Variants in TENM1 observed in about 807,000 individuals in gnomAD.
TENM1 encodes the protein teneurin transmembrane protein 1.
A neutral mutation model predicts 174.8 loss-of-function variants in TENM1; 35 were observed. The ratio of observed to expected loss-of-function variants is 0.20; its 90% confidence interval spans 0.15 to 0.27. The LOEUF (loss-of-function observed/expected upper bound fraction) is 0.27. Among genes scored for constraint, TENM1 ranks in the 10% least tolerant of loss-of-function variants. The pLI, the probability that TENM1 is intolerant of heterozygous loss-of-function variation, is 1.00. For missense variants in TENM1, 1,633 were observed against 2,130.1 expected (o/e 0.77, Z 4.59); for synonymous variants, 781 against 798.7 (o/e 0.98, Z 0.37).
At chrX:125,100,242 T>C in the TENM1 span, among the ~76,000 whole-genome samples, 1 of 111,951 alleles carries the variant, frequency 8.9e-6, no homozygotes, top group Non-Finnish European at 1.9e-5. Flanking sequence ...ATTAAGATTG[T>C]AAAGTGCCAA....
intron 3 of TENM1, among the ~76,000 whole-genome samples, chrX:124,890,589 T>G (rs1029908298): frequency 9.0e-6 from 1 of 111,714 alleles, no homozygotes; most frequent in Non-Finnish European, 1.9e-5. Context: ...CTCAACATCA[T>G]TAACCATCAG....
chrX:124,548,290 T>C (rs751891137), intron 14 of TENM1, among the ~76,000 whole-genome samples: 4 of 111,506 alleles, frequency 3.6e-5, no homozygotes, highest in East Asian at 2.8e-4. Flanking sequence ...AGAAATGATA[T>C]AGGGAACAGG....
At chrX:124,705,730 A>G (rs1292876840) in intron 4 of TENM1, among the ~76,000 whole-genome samples, 1 of 112,312 alleles carries the variant, frequency 8.9e-6, no homozygotes, top group Non-Finnish European at 1.9e-5. Flanking sequence ...TATCAAATAT[A>G]CAGCCAAGTT....
intron 3 of TENM1, among the ~76,000 whole-genome samples, chrX:124,886,728 GTTT>G (rs74314491): frequency 0.014 from 1,068 of 77,841 alleles, 27 homozygotes; most frequent in African/African-American, 0.047. Context: ...TGTAGTGAAG[GTTT>G]TTTTTTTTTT....
Position 124,922,092 on chromosome X carries a change from G to A in TENM1, c.218-25851C>T, listed in dbSNP as rs140836652. ...GTTTTTTCTCAAATATTTTTTCACT[G>A]GTGTATGAGAGTGATATACTTTTTG... On this transcript the variant is annotated intron_variant, in intron 1 of 31. Transcript: ENST00000422452. Among the ~76,000 whole-genome samples, 172 of 110,382 alleles carry A rather than the reference G, an allele frequency of 1.6e-3. 1 individual carries two copies. The highest frequency in any genetic ancestry group is 2.8e-3 in the Admixed American group (29 of 10,362).
chrX:124,686,067 A>G (rs1363295839), intron 5 of TENM1, among the ~76,000 whole-genome samples: 1 of 110,826 alleles, frequency 9.0e-6, no homozygotes, highest in Non-Finnish European at 1.9e-5. Flanking sequence ...TGAAATTCAC[A>G]CAAGTTAACA....
intron 3 of TENM1, among the ~76,000 whole-genome samples, chrX:124,829,660 A>G (rs768292503): frequency 8.9e-6 from 1 of 112,201 alleles, no homozygotes; most frequent in Non-Finnish European, 1.9e-5. Context: ...AGTGGCCTCT[A>G]CTTTAAAAGG....
chrX:125,023,313 C>T, the TENM1 span, among the ~76,000 whole-genome samples: 1 of 111,443 alleles, frequency 9.0e-6, no homozygotes, highest in East Asian at 2.8e-4. Context: ...TGAGACGTGC[C>T]TTTGCTTCTC....
At chrX:125,120,206 TA>T in the TENM1 span, among the ~76,000 whole-genome samples, 8,435 of 105,004 alleles carry the variant, frequency 0.08, 812 homozygotes, top group African/African-American at 0.27. Context: ...CAACATTTCC[TA>T]TTTTTTTTAC....
At chrX:125,200,658 A>T in the TENM1 span, among the ~76,000 whole-genome samples, 43 of 104,014 alleles carry the variant, frequency 4.1e-4, no homozygotes, top group African/African-American at 1.6e-3. Context: ...TGTGTGTGAG[A>T]GAGAGAGAGA....
chrX:124,876,197 G>A (rs1252423333), intron 3 of TENM1, among the ~76,000 whole-genome samples: 1 of 111,182 alleles, frequency 9.0e-6, no homozygotes, highest in Admixed American at 9.6e-5. Flanking sequence ...CTCAATATTT[G>A]TAAAATACTT....
the TENM1 span, among the ~76,000 whole-genome samples, chrX:125,127,046 C>T: frequency 5.4e-5 from 6 of 111,420 alleles, no homozygotes; most frequent in Admixed American, 5.7e-4. Flanking sequence ...CTCATTTGGC[C>T]ACTTATATAT....
chrX:124,774,055 A>C (rs1206577657), intron 3 of TENM1, among the ~76,000 whole-genome samples: 1 of 112,263 alleles, frequency 8.9e-6, no homozygotes, highest in African/African-American at 3.2e-5. Context: ...TCACCAAACT[A>C]TAAGATTAGG....
the TENM1 span, among the ~76,000 whole-genome samples, chrX:125,202,979 C>G: frequency 1.1e-4 from 12 of 112,235 alleles, no homozygotes; most frequent in African/African-American, 3.9e-4. Context: ...GACCAAGTCT[C>G]TGGATGAAAT....
intron 31 of TENM1, among the ~76,000 whole-genome samples, chrX:124,382,171 G>A (rs1456214567): frequency 9.0e-6 from 1 of 111,205 alleles, no homozygotes; most frequent in Non-Finnish European, 1.9e-5. Context: ...TAAATGTTTT[G>A]ATGTTCCTAT....
chrX:124,569,922 A>G (rs1285204950), intron 11 of TENM1, among the ~76,000 whole-genome samples: 2 of 111,719 alleles, frequency 1.8e-5, no homozygotes, highest in Non-Finnish European at 3.8e-5. Context: ...AGAATCAACA[A>G]AGTCAATACT....
the TENM1 span, among the ~76,000 whole-genome samples, chrX:125,185,781 C>T: frequency 0.076 from 8,453 of 111,559 alleles, 767 homozygotes; most frequent in African/African-American, 0.26. Context: ...CTTATATGAA[C>T]GAATGGAAGA....
intron 3 of TENM1, among the ~76,000 whole-genome samples, chrX:124,812,512 C>T (rs1471690705): frequency 9.0e-6 from 1 of 111,060 alleles, no homozygotes; most frequent in African/African-American, 3.3e-5. Flanking sequence ...GTGATAGTAT[C>T]ATTATCACAA....
At chrX:124,553,268 G>A (rs1021557781) in intron 14 of TENM1, among the ~76,000 whole-genome samples, 2 of 109,597 alleles carry the variant, frequency 1.8e-5, no homozygotes, top group Admixed American at 9.8e-5. Flanking sequence ...AGACTGAGGG[G>A]GGGGGTGGAT....
Sources: allele counts gnomAD v4.1 joint callset (sites outside exome capture counted in the v4.1 genomes callset), GRCh38; gene constraint gnomAD v4.1.1; transcripts MANE v1.5; gene names NCBI Gene and HGNC (gene_info 2026-07-23, HGNC 2026-07-21).